Variants in CMPK1 observed in about 807,000 individuals in gnomAD.
CMPK1 encodes UMP-CMP kinase.
Under a neutral mutation model 25.7 loss-of-function variants are expected in CMPK1, and 10 were observed. The ratio of observed to expected loss-of-function variants is 0.39; its 90% CI spans 0.24 to 0.66. The LOEUF is 0.66. Among genes scored for constraint, CMPK1 ranks in the 30% least tolerant of loss-of-function variants. The pLI is 0.48. For synonymous variants in CMPK1, 106 were observed against 101.5 expected (o/e 1.04, Z -0.27); for missense variants, 199 against 280.5 (o/e 0.71, Z 2.08).
At chr1:47,368,445 T>G (rs752049181) in intron 1 of CMPK1, 24 bp from the exon 2 acceptor site, 97 of 1,570,710 alleles carry the variant, frequency 6.2e-5, no homozygotes, top group Non-Finnish European at 1.4e-5. Flanking sequence ...ATTCTGATAT[T>G]TTTCCTATGT....
chr1:47,362,113 G>A (rs1381298034), intron 1 of CMPK1, among the ~76,000 whole-genome samples: 7 of 149,468 alleles, frequency 4.7e-5, no homozygotes, highest in Middle Eastern at 3.3e-3. Context: ...CAGGTGATTC[G>A]CCTGCCTTGG....
At chr1:47,367,657 T>C (rs1473217793) in intron 1 of CMPK1, among the ~76,000 whole-genome samples, 2 of 152,236 alleles carry the variant, frequency 1.3e-5, no homozygotes, top group African/African-American at 4.8e-5. Context: ...TATAGTTATC[T>C]TGGTGTCTTT....
chr1:47,363,617 A>G (rs896049384), intron 1 of CMPK1, among the ~76,000 whole-genome samples: 1 of 148,846 alleles, frequency 6.7e-6, no homozygotes, highest in African/African-American at 2.5e-5. Flanking sequence ...CAGCCTGGGC[A>G]ACAGAGTGAG....
intron 4 of CMPK1, 92 bp downstream of exon 4, chr1:47,375,077 G>T: frequency 5.4e-6 from 7 of 1,301,138 alleles, no homozygotes; most frequent in South Asian, 1.2e-5. Context: ...CATGTAAAAT[G>T]GCTTGTTTAA....
Position 47,377,038 on chromosome 1 carries a change from A to T in CMPK1, c.*293A>T, listed in dbSNP as rs1646712809. The T allele has an allele frequency of 1.3e-5, 3 of 226,810 alleles. No homozygotes were observed. The highest frequency in any genetic ancestry group is 2.6e-5 in the Non-Finnish European group (3 of 116,788). The allele number at this position is 226,810 out of a possible 1,614,324, so 14.0% of individuals were successfully genotyped here. Reference sequence around the variant, plus strand: ...CCTTTTATAGTTTGTGCCTTCTGTGAGCAAAACTTTTTAGTACGCGTATAT... The same window carrying T: ...CCTTTTATAGTTTGTGCCTTCTGTGTGCAAAACTTTTTAGTACGCGTATAT... On this transcript the variant is annotated 3_prime_UTR_variant, in exon 6 of 6. Transcript: ENST00000371873.
intron 1 of CMPK1, among the ~76,000 whole-genome samples, chr1:47,365,884 A>G (rs1646636524): frequency 6.6e-6 from 1 of 152,012 alleles, no homozygotes; most frequent in Non-Finnish European, 1.5e-5. Context: ...GAGTTTATAT[A>G]TTTGTCACTA....
chr1:47,376,289 A>C (rs1396977857), intron 5 of CMPK1, among the ~76,000 whole-genome samples: 1 of 151,486 alleles, frequency 6.6e-6, no homozygotes, highest in African/African-American at 2.4e-5. Context: ...CTGTTTGGAG[A>C]TGGAGTCTTT....
Position 47,378,533 on chromosome 1 carries a change from G to A in CMPK1, c.*1788G>A, listed in dbSNP as rs1202461161. The A allele has an allele frequency of 6.6e-6, 1 of 152,178 alleles. No homozygotes were observed. Among genetic ancestry groups the A allele is most frequent in the Admixed American group, 6.6e-5 (1 of 15,260 alleles). The allele number at this position is 152,178 out of a possible 1,614,324, so 9.4% of individuals were successfully genotyped here. ...GCTTCCTTTCATCAGGTATCTTTCTGTGGCATTTGAGAACAGAAACCAAGA... is the reference window on the plus strand; with the variant it reads ...GCTTCCTTTCATCAGGTATCTTTCTATGGCATTTGAGAACAGAAACCAAGA... On this transcript the variant is annotated 3_prime_UTR_variant, in exon 6 of 6. Transcript: ENST00000371873.
chr1:47,370,004 T>G (rs1306865213), intron 2 of CMPK1, among the ~76,000 whole-genome samples: 4 of 124,834 alleles, frequency 3.2e-5, no homozygotes, highest in Non-Finnish European at 7.3e-5. Flanking sequence ...AAGCTCCGCC[T>G]CCTGGGTTCA....
In CMPK1 at chr1:47,342,155, C is replaced by T. The variant is rs1646445936; in HGVS notation, c.171+8039C>T. Among the ~76,000 whole-genome samples the T allele has an allele frequency of 3.9e-5, 6 of 152,094 alleles. No individual in the cohort carries two copies. The South Asian group carries it at 1.0e-3, about 26-fold the overall frequency. ...AGAGTGCAGTGGGGTGATCTCGGCT[C>T]ACTGCAACCTCCGCCTCCTGGGTTC... On this transcript the variant is annotated intron_variant, in intron 1 of 5. Transcript: ENST00000371873.
rs2149321975 is a variant in CMPK1, at chr1:47,333,839, C to T, written c.-107C>T. 2 of 705,394 alleles carry T rather than the reference C, an allele frequency of 2.8e-6. No homozygotes were observed. Among genetic ancestry groups the T allele is most frequent in the Non-Finnish European group, 3.5e-6 (2 of 570,232 alleles). The allele number at this position is 705,394 out of a possible 1,614,324, so 43.7% of individuals were successfully genotyped here. A position where few individuals can be genotyped will look rare whatever the true frequency, so the allele number is the denominator to read the frequency against. ...CCGGGCAGCCACGGCGGCGGGGCCG[C>T]GGCGGGCGCCGGCTCAGCCCGCCCC... On this transcript the variant is annotated 5_prime_UTR_variant, in exon 1 of 6. Coordinates refer to ENST00000371873, the MANE Select transcript of CMPK1 (RefSeq NM_016308.3).
chr1:47,364,026 C>T (rs1646621834), intron 1 of CMPK1, among the ~76,000 whole-genome samples: 1 of 152,088 alleles, frequency 6.6e-6, no homozygotes, highest in South Asian at 2.1e-4. Context: ...CTGTTGTTTG[C>T]AGCAGGTACC....
At chr1:47,368,978 C>CA (rs1381662771) in intron 2 of CMPK1, among the ~76,000 whole-genome samples, 1 of 152,092 alleles carries the variant, frequency 6.6e-6, no homozygotes, top group Non-Finnish European at 1.5e-5. Flanking sequence ...ATCCACCTTT[C>CA]ATATGTGTAA....
At chr1:47,362,272 C>T (rs578016064) in intron 1 of CMPK1, among the ~76,000 whole-genome samples, 5 of 150,098 alleles carry the variant, frequency 3.3e-5, no homozygotes, top group African/African-American at 4.9e-5. Flanking sequence ...TGGGTTCAAG[C>T]GATTCTCCTG....
intron 3 of CMPK1, 48 bp from the exon 4 acceptor site, chr1:47,374,861 A>G (rs1410817601): frequency 2.1e-6 from 3 of 1,440,172 alleles, no homozygotes; most frequent in Non-Finnish European, 2.9e-6. Flanking sequence ...GGTTAAAAGA[A>G]TGGCAAATTC....
At chr1:47,362,191 C>T (rs866482397) in intron 1 of CMPK1, among the ~76,000 whole-genome samples, 55 of 110,134 alleles carry the variant, frequency 5.0e-4, no homozygotes, top group Admixed American at 2.6e-3. Context: ...TTTTTCGAGA[C>T]GGAGTTTGGC....
chr1:47,335,463 G>A (rs1320619142), intron 1 of CMPK1, among the ~76,000 whole-genome samples: 2 of 151,854 alleles, frequency 1.3e-5, no homozygotes, highest in African/African-American at 4.8e-5. Context: ...ATGGCGAAAC[G>A]TTGTCTTTAC....
At chr1:47,373,149 T>C (rs748472348) in intron 3 of CMPK1, 42 bp downstream of exon 3, 2 of 1,533,912 alleles carry the variant, frequency 1.3e-6, no homozygotes. Flanking sequence ...TTTAAGCAAC[T>C]GTTAGTCAAC....
intron 4 of CMPK1, 88 bp from the exon 5 acceptor site, chr1:47,375,109 G>A: frequency 2.4e-6 from 3 of 1,252,854 alleles, no homozygotes; most frequent in South Asian, 1.2e-5. Flanking sequence ...AATCAGTCGG[G>A]GCAGATCCAG....
Sources: allele counts gnomAD v4.1 joint callset (sites outside exome capture counted in the v4.1 genomes callset), GRCh38; gene constraint gnomAD v4.1.1; transcripts MANE v1.5; gene names NCBI Gene and HGNC (gene_info 2026-07-23, HGNC 2026-07-21).